Variants in OXR1 observed in about 807,000 individuals in gnomAD.
OXR1 encodes oxidation resistance 1, also known as oxidation resistance protein 1.
In OXR1, 41 loss-of-function variants were observed where a neutral mutation model predicts 104.6. The ratio of observed to expected loss-of-function variants is 0.39; its 90% confidence interval spans 0.31 to 0.51. OXR1 has a LOEUF of 0.51. Ranked by LOEUF, OXR1 falls within the 20% of genes least tolerant of loss-of-function variation. The pLI is 0.77. For synonymous variants in OXR1, 348 were observed against 348.4 expected (o/e 1.00, Z 0.01); for missense variants, 955 against 1,031.9 (o/e 0.93, Z 1.02).
At chr8:106,304,139 T>C (rs554568755) in intron 1 of OXR1, among the ~76,000 whole-genome samples, 83 of 152,294 alleles carry the variant, frequency 5.4e-4, no homozygotes, top group African/African-American at 2.0e-3. Context: ...CTGTCTCTCA[T>C]CTCTAAGTGG....
intron 3 of OXR1, among the ~76,000 whole-genome samples, chr8:106,658,838 A>G (rs1167493972): frequency 6.6e-6 from 1 of 152,132 alleles, no homozygotes; most frequent in Non-Finnish European, 1.5e-5. Flanking sequence ...ACCATTCTTT[A>G]AAACAGTCAT....
chr8:106,428,608 C>T (rs202087982), intron 2 of OXR1, among the ~76,000 whole-genome samples: 2 of 139,164 alleles, frequency 1.4e-5, no homozygotes, highest in Admixed American at 7.3e-5. Flanking sequence ...CTGCCAATGT[C>T]TTTTTTTTTT....
At chr8:106,735,772 A>G (rs1290217476) in intron 11 of OXR1, among the ~76,000 whole-genome samples, 2 of 152,138 alleles carry the variant, frequency 1.3e-5, no homozygotes, top group Non-Finnish European at 2.9e-5. Context: ...TTTTTCTTTT[A>G]TCTTTATTGA....
At chr8:106,338,638 T>C (rs1320533789) in intron 1 of OXR1, among the ~76,000 whole-genome samples, 1 of 151,732 alleles carries the variant, frequency 6.6e-6, no homozygotes, top group Non-Finnish European at 1.5e-5. Context: ...AAAAAACCAC[T>C]GTTCTGCTAT....
intron 3 of OXR1, among the ~76,000 whole-genome samples, chr8:106,577,517 G>A (rs1180368529): frequency 6.7e-6 from 1 of 149,008 alleles, no homozygotes; most frequent in Admixed American, 6.9e-5. Context: ...AACCTCCCGA[G>A]TAGCTGGGAC....
chr8:106,701,352 A>G (rs1397338740), intron 7 of OXR1, among the ~76,000 whole-genome samples: 1 of 152,096 alleles, frequency 6.6e-6, no homozygotes, highest in African/African-American at 2.4e-5. Context: ...TTGTGATTGG[A>G]TGACCATTTT....
At chr8:106,750,689 T>C (rs1207438603) in intron 16 of OXR1, 117 bp from the exon 17 acceptor site, 1 of 684,188 alleles carries the variant, frequency 1.5e-6, no homozygotes, top group Non-Finnish European at 2.4e-6. Flanking sequence ...TGGAAAGGAG[T>C]AGGGAAGGAT....
intron 3 of OXR1, among the ~76,000 whole-genome samples, chr8:106,603,338 A>G (rs970375735): frequency 6.6e-6 from 1 of 152,232 alleles, no homozygotes; most frequent in Non-Finnish European, 1.5e-5. Flanking sequence ...GCTTTTTTCT[A>G]AAAACATACA....
At chr8:106,520,519 T>C (rs72680940) in intron 3 of OXR1, 13,546 of 152,270 alleles carry the variant, frequency 0.089, 703 homozygotes, top group Non-Finnish European at 0.11. Context: ...TTCTTATATA[T>C]TCATTCTCAG....
At chr8:106,377,179 A>C (rs1816941024) in intron 2 of OXR1, among the ~76,000 whole-genome samples, 1 of 152,088 alleles carries the variant, frequency 6.6e-6, no homozygotes, top group South Asian at 2.1e-4. Flanking sequence ...TTTTGGGATA[A>C]TACACACACT....
chr8:106,555,112 C>T (rs1260308109), intron 3 of OXR1, among the ~76,000 whole-genome samples: 5 of 152,228 alleles, frequency 3.3e-5, no homozygotes, highest in Admixed American at 6.5e-5. Context: ...TTAGATCCTT[C>T]GATGTCTCCA....
intron 1 of OXR1, among the ~76,000 whole-genome samples, chr8:106,348,656 G>T (rs1322387706): frequency 2.6e-5 from 4 of 152,068 alleles, no homozygotes; most frequent in African/African-American, 9.7e-5. Flanking sequence ...TTGAGATATT[G>T]TACTTTTAAA....
chr8:106,612,099 GT>G (rs11443786), intron 3 of OXR1, among the ~76,000 whole-genome samples: 1 of 150,638 alleles, frequency 6.6e-6, no homozygotes, highest in Non-Finnish European at 1.5e-5. Context: ...TTCTCCTTCA[GT>G]TTTTTTTTGT....
At chr8:106,598,847 G>GA (rs542934820) in intron 3 of OXR1, among the ~76,000 whole-genome samples, 11 of 151,382 alleles carry the variant, frequency 7.3e-5, no homozygotes, top group Admixed American at 5.3e-4. Flanking sequence ...TTTTGCCTCA[G>GA]AAAAAAAATA....
intron 1 of OXR1, among the ~76,000 whole-genome samples, chr8:106,291,363 C>T (rs1041182631): frequency 6.6e-6 from 1 of 151,928 alleles, no homozygotes; most frequent in South Asian, 2.1e-4. Context: ...TGCAACACAC[C>T]CATGTAGCAA....
At chr8:106,274,744 C>T (rs1432147840) in intron 1 of OXR1, among the ~76,000 whole-genome samples, 1 of 152,222 alleles carries the variant, frequency 6.6e-6, no homozygotes, top group South Asian at 2.1e-4. Flanking sequence ...ACCTCAGTTT[C>T]TCTGCTTCTA....
chr8:106,706,798 T>C lies in OXR1; in HGVS notation c.1277T>C (p.Ile426Thr). 6.2e-7 allele frequency: 1 copy of C among 1,612,718 alleles called. No homozygotes were observed. The highest frequency in any genetic ancestry group is 8.5e-7 in the Non-Finnish European group (1 of 1,179,626). The change falls in exon 9 of 17, where the codon ATT becomes ACT. Residue 426 changes from isoleucine (I) to threonine (T), a missense_variant. Coordinates refer to ENST00000517566, the MANE Select transcript of OXR1 (RefSeq NM_001198533.2). ...GAAATGGCCATTAAGGAAGATCAGA[T>C]TGCAGATAACTTTCAAGGAATATCA... Reference protein sequence around the residue: ...NLEMAIKEDQIADNFQGISGP... With the variant: ...NLEMAIKEDQTADNFQGISGP...
At chr8:106,363,218 T>C (rs16874440) in intron 2 of OXR1, among the ~76,000 whole-genome samples, 50,293 of 152,118 alleles carry the variant, frequency 0.33, 8,693 homozygotes, top group South Asian at 0.45. Flanking sequence ...AAGTAATGAC[T>C]GCTCTTTTTG....
At chr8:106,359,911 G>C (rs1816167163) in intron 2 of OXR1, among the ~76,000 whole-genome samples, 1 of 152,102 alleles carries the variant, frequency 6.6e-6, no homozygotes. Flanking sequence ...CCCTAGGAGA[G>C]AGAAGTAATA....
Sources: allele counts gnomAD v4.1 joint callset (sites outside exome capture counted in the v4.1 genomes callset), GRCh38; gene constraint gnomAD v4.1.1; transcripts MANE v1.5; gene names NCBI Gene and HGNC (gene_info 2026-07-23, HGNC 2026-07-21).